GALNT13: variants seen among roughly 807,000 people sequenced by gnomAD.
GALNT13 encodes UDP-GalNAc:polypeptide N-acetylgalactosaminyltransferase 13.
GALNT13 carries 28 observed loss-of-function variants against 64.2 expected under a neutral mutation model. That is an observed-to-expected ratio of 0.44 (90% CI 0.32 to 0.60). The LOEUF is 0.60. Ranked by LOEUF, GALNT13 falls within the 20% of genes least tolerant of loss-of-function variation. The pLI, the probability that GALNT13 is intolerant of heterozygous loss-of-function variation, is 0.05. For missense variants in GALNT13, 577 were observed against 669.8 expected (o/e 0.86, Z 1.53); for synonymous variants, 214 against 224.6 (o/e 0.95, Z 0.42).
At chr2:154,125,900 C>A (rs1180366067) in intron 3 of GALNT13, among the ~76,000 whole-genome samples, 2 of 152,110 alleles carry the variant, frequency 1.3e-5, no homozygotes, top group Non-Finnish European at 2.9e-5. Flanking sequence ...GAGTAGAATG[C>A]CTTCATTTAA....
chr2:154,358,581 C>G (rs555218368), intron 9 of GALNT13, among the ~76,000 whole-genome samples: 98 of 151,942 alleles, frequency 6.4e-4, no homozygotes, highest in Non-Finnish European at 1.2e-3. Flanking sequence ...TACAATACTA[C>G]AAAGGAAAAT....
chr2:154,068,595 C>T (rs184707551), intron 3 of GALNT13, among the ~76,000 whole-genome samples: 1 of 151,900 alleles, frequency 6.6e-6, no homozygotes, highest in African/African-American at 2.4e-5. Context: ...AATTGGAGAT[C>T]ATTATGTTAA....
the GALNT13 span, among the ~76,000 whole-genome samples, chr2:153,507,271 T>G: frequency 6.6e-6 from 1 of 152,036 alleles, no homozygotes; most frequent in Non-Finnish European, 1.5e-5. Flanking sequence ...TTTTCCTTCT[T>G]TCTTTCCTTC....
intron 3 of GALNT13, among the ~76,000 whole-genome samples, chr2:154,100,060 T>C (rs571341513): frequency 6.6e-6 from 1 of 152,144 alleles, no homozygotes; most frequent in Non-Finnish European, 1.5e-5. Context: ...TTCCATTTCA[T>C]TGATCTCTGT....
At chr2:153,983,823 C>A (rs778155418) in intron 3 of GALNT13, among the ~76,000 whole-genome samples, 2 of 151,860 alleles carry the variant, frequency 1.3e-5, no homozygotes, top group Non-Finnish European at 2.9e-5. Flanking sequence ...TTGTATTGTG[C>A]CATACTGGCA....
At chr2:153,384,914 T>G in the GALNT13 span, among the ~76,000 whole-genome samples, 1 of 152,050 alleles carries the variant, frequency 6.6e-6, no homozygotes, top group South Asian at 2.1e-4. Flanking sequence ...TTTGAAGAAC[T>G]ATAGGGTAGA....
intron 4 of GALNT13, among the ~76,000 whole-genome samples, chr2:154,169,385 C>T (rs535146469): frequency 2.0e-5 from 3 of 152,306 alleles, no homozygotes; most frequent in South Asian, 2.1e-4. Flanking sequence ...ATCAACTTCA[C>T]GTCACTGGAT....
chr2:153,882,012 T>G (rs1012057270), intron 1 of GALNT13, among the ~76,000 whole-genome samples: 10 of 152,160 alleles, frequency 6.6e-5, no homozygotes, highest in Non-Finnish European at 1.5e-4. Flanking sequence ...TTCTTCGTTT[T>G]CAATAGATGA....
chr2:153,271,963 A>G, the GALNT13 span, among the ~76,000 whole-genome samples: 1 of 152,130 alleles, frequency 6.6e-6, no homozygotes, highest in Non-Finnish European at 1.5e-5. Context: ...AATTGCATCA[A>G]ACATCTACAA....
the GALNT13 span, among the ~76,000 whole-genome samples, chr2:153,204,080 T>C: frequency 1.3e-5 from 2 of 152,226 alleles, no homozygotes; most frequent in Admixed American, 1.3e-4. Flanking sequence ...AATCACACTA[T>C]TCCTGTTTCG....
At chr2:154,455,815 T>G (rs1702025328), downstream of GALNT13, among the ~76,000 whole-genome samples, 1 of 152,216 alleles carries the variant, frequency 6.6e-6, no homozygotes, top group Admixed American at 6.5e-5. Flanking sequence ...TCTGAAATAC[T>G]GGTGAATTCA....
the GALNT13 span, among the ~76,000 whole-genome samples, chr2:153,643,670 C>T: frequency 6.6e-6 from 1 of 151,730 alleles, no homozygotes; most frequent in African/African-American, 2.4e-5. Context: ...ACATGTAAGT[C>T]TGATCTCATT....
chr2:154,134,028 C>G (rs1453730157), intron 3 of GALNT13, among the ~76,000 whole-genome samples: 2 of 152,038 alleles, frequency 1.3e-5, no homozygotes, highest in Non-Finnish European at 2.9e-5. Flanking sequence ...GGGGAAAGTA[C>G]ATGGAGAACC....
At chr2:153,777,666 G>A in the GALNT13 span, among the ~76,000 whole-genome samples, 2 of 152,146 alleles carry the variant, frequency 1.3e-5, no homozygotes, top group South Asian at 4.1e-4. Flanking sequence ...ATGGGGGTGT[G>A]GCTTGCTTCT....
the GALNT13 span, among the ~76,000 whole-genome samples, chr2:153,461,723 G>T: frequency 6.6e-6 from 1 of 152,036 alleles, no homozygotes; most frequent in Non-Finnish European, 1.5e-5. Context: ...GGCTCCACAG[G>T]GAAGGGACTT....
chr2:153,815,172 AT>A, the GALNT13 span, among the ~76,000 whole-genome samples: 11 of 152,164 alleles, frequency 7.2e-5, no homozygotes, highest in Non-Finnish European at 1.6e-4. Flanking sequence ...CATTTGGCTG[AT>A]ATATATCTTA....
intron 4 of GALNT13, among the ~76,000 whole-genome samples, chr2:154,180,319 T>G (rs1685884509): frequency 6.6e-6 from 1 of 152,056 alleles, no homozygotes; most frequent in Non-Finnish European, 1.5e-5. Flanking sequence ...TTTTGTTATT[T>G]TATTATATTT....
chr2:154,300,099 C>CTCT (rs1553511805), intron 8 of GALNT13, among the ~76,000 whole-genome samples: 7 of 117,042 alleles, frequency 6.0e-5, no homozygotes, highest in African/African-American at 2.3e-4. Flanking sequence ...TTCTTTCTCT[C>CTCT]TTTTTTTTTT....
At chr2:153,098,541 C>A in the GALNT13 span, among the ~76,000 whole-genome samples, 5 of 152,086 alleles carry the variant, frequency 3.3e-5, no homozygotes, top group African/African-American at 9.7e-5. Flanking sequence ...AGAAATGAAA[C>A]CATGTATTTT....
Sources: gnomAD v4.1 joint callset for allele counts (sites outside exome capture counted in the v4.1 genomes callset) on GRCh38, gnomAD v4.1.1 for gene constraint, MANE v1.5 for transcripts, NCBI Gene and HGNC (gene_info 2026-07-23, HGNC 2026-07-21) for gene names.